L3MBTL4: variants seen among roughly 807,000 people sequenced by gnomAD.
L3MBTL4 encodes lethal(3)malignant brain tumor-like protein 4.
Under a neutral mutation model 84.5 loss-of-function variants are expected in L3MBTL4, and 70 were observed. The observed-to-expected ratio is 0.83, with a 90% CI of 0.68 to 1.01. The LOEUF is 1.01. L3MBTL4 is among the 50% of genes least tolerant of loss of function. L3MBTL4 has a pLI of 0.00. For missense variants in L3MBTL4, 715 were observed against 754.8 expected, an observed-to-expected ratio of 0.95 and a Z score of 0.62; for synonymous variants, 274 against 259.8, an observed-to-expected ratio of 1.05 and a Z score of -0.52.
intron 14 of L3MBTL4, among the ~76,000 whole-genome samples, chr18:6,113,910 G>A (rs2059275299): frequency 6.6e-6 from 1 of 152,176 alleles, no homozygotes; most frequent in Admixed American, 6.5e-5. Flanking sequence ...TGTCATCACT[G>A]ATGTTTGTCC....
chr18:6,138,550 A>C (rs2060101753), intron 13 of L3MBTL4, among the ~76,000 whole-genome samples: 1 of 152,112 alleles, frequency 6.6e-6, no homozygotes, highest in South Asian at 2.1e-4. Flanking sequence ...TAGGCATTGA[A>C]GAATTTCTTT....
intron 16 of L3MBTL4, among the ~76,000 whole-genome samples, chr18:6,042,088 C>T (rs892577563): frequency 2.0e-5 from 3 of 152,154 alleles, no homozygotes; most frequent in Non-Finnish European, 2.9e-5. Context: ...ACTGCCATAC[C>T]TCCCCAAGCC....
chr18:6,031,919 G>T, intron 16 of L3MBTL4: 2 of 783,714 alleles, frequency 2.6e-6, no homozygotes, highest in Non-Finnish European at 3.1e-6. Flanking sequence ...ATGGTCACCT[G>T]CATTGTGTGG....
chr18:6,329,131 TTTGTTTC>T (rs2143049513), intron 1 of L3MBTL4, among the ~76,000 whole-genome samples: 1 of 83,618 alleles, frequency 1.2e-5, no homozygotes, highest in African/African-American at 1.0e-4. Flanking sequence ...TTCTGTTTCT[TTTGTTTC>T]TTTTTTTCTT....
At chr18:6,142,488 A>G (rs1427925906) in intron 13 of L3MBTL4, among the ~76,000 whole-genome samples, 1 of 152,270 alleles carries the variant, frequency 6.6e-6, no homozygotes, top group African/African-American at 2.4e-5. Flanking sequence ...TCTTAAGCAC[A>G]TCTTATGTTC....
At chr18:6,147,892 A>C (rs770121501) in intron 13 of L3MBTL4, among the ~76,000 whole-genome samples, 1 of 152,210 alleles carries the variant, frequency 6.6e-6, no homozygotes, top group African/African-American at 2.4e-5. Flanking sequence ...TGCATTTATC[A>C]TATGTTCAGC....
At chr18:6,151,274 C>T (rs2042882295) in intron 13 of L3MBTL4, among the ~76,000 whole-genome samples, 1 of 152,166 alleles carries the variant, frequency 6.6e-6, no homozygotes, top group African/African-American at 2.4e-5. Flanking sequence ...TGTGCCAACT[C>T]ATAAGTCATA....
chr18:6,185,960 C>CTA (rs976327212), intron 12 of L3MBTL4, among the ~76,000 whole-genome samples: 64 of 145,840 alleles, frequency 4.4e-4, no homozygotes, highest in African/African-American at 1.7e-3. Flanking sequence ...AGGGCACTTT[C>CTA]TTTATTTTAT....
At chr18:6,236,488 C>G (rs768689870) in intron 10 of L3MBTL4, among the ~76,000 whole-genome samples, 4 of 152,130 alleles carry the variant, frequency 2.6e-5, no homozygotes, top group Admixed American at 1.3e-4. Context: ...ACACACTGAG[C>G]CTATTCATGA....
chr18:6,137,734 A>C lies in L3MBTL4; in HGVS notation c.1199+460T>G, dbSNP rs184965911. 1.1e-3 allele frequency among the ~76,000 whole-genome samples: 172 copies of C among 152,350 alleles called. 2 individuals carry two copies. The South Asian group carries it at 0.015, about 13-fold the overall frequency. ...TCATATGGATATTGTCAAATAATTA[A>C]AACATGGGCATATTCTGCAACATAA... On this transcript the variant is annotated intron_variant, in intron 14 of 18. Coordinates refer to ENST00000317931, the MANE Select transcript of L3MBTL4 (RefSeq NM_001330559.2).
intron 1 of L3MBTL4, among the ~76,000 whole-genome samples, chr18:6,408,774 C>T (rs553484974): frequency 1.8e-4 from 28 of 151,994 alleles, no homozygotes; most frequent in South Asian, 1.7e-3. Flanking sequence ...CCCCACCTCC[C>T]GGGTTGAAGC....
At chr18:6,263,508 A>G (rs1316416273) in intron 5 of L3MBTL4, among the ~76,000 whole-genome samples, 3 of 152,170 alleles carry the variant, frequency 2.0e-5, no homozygotes, top group African/African-American at 7.2e-5. Flanking sequence ...GTCTTCTCTA[A>G]CATCTTGCTT....
chr18:6,287,992 G>A (rs948639647), intron 4 of L3MBTL4, among the ~76,000 whole-genome samples: 2 of 152,162 alleles, frequency 1.3e-5, no homozygotes, highest in African/African-American at 2.4e-5. Context: ...ACAGTGAGCT[G>A]TAGTCACATC....
At chr18:6,384,213 A>G (rs2054718876) in intron 1 of L3MBTL4, among the ~76,000 whole-genome samples, 1 of 152,166 alleles carries the variant, frequency 6.6e-6, no homozygotes, top group South Asian at 2.1e-4. Flanking sequence ...CCACGACCTC[A>G]TCAAAATTCT....
intron 12 of L3MBTL4, among the ~76,000 whole-genome samples, chr18:6,201,895 G>A (rs372581576): frequency 6.6e-6 from 1 of 152,158 alleles, no homozygotes; most frequent in East Asian, 1.9e-4. Flanking sequence ...CCAAAAAAGT[G>A]TGGAATAAGA....
At chr18:6,120,976 T>A (rs1397082324) in intron 14 of L3MBTL4, among the ~76,000 whole-genome samples, 1 of 152,184 alleles carries the variant, frequency 6.6e-6, no homozygotes, top group Non-Finnish European at 1.5e-5. Flanking sequence ...CTTGGACATA[T>A]GACTAGGAAT....
chr18:6,360,001 T>C (rs1249228035), intron 1 of L3MBTL4, among the ~76,000 whole-genome samples: 1 of 152,192 alleles, frequency 6.6e-6, no homozygotes, highest in African/African-American at 2.4e-5. Context: ...AACAACAAGC[T>C]GGCAAGTAAA....
intron 10 of L3MBTL4, among the ~76,000 whole-genome samples, chr18:6,236,828 T>G (rs1344512528): frequency 1.3e-5 from 2 of 152,228 alleles, no homozygotes; most frequent in African/African-American, 2.4e-5. Context: ...TGAAATTATC[T>G]TCACTAAATT....
chr18:6,321,757 T>C (rs1192082643), intron 1 of L3MBTL4, among the ~76,000 whole-genome samples: 1 of 152,096 alleles, frequency 6.6e-6, no homozygotes, highest in Non-Finnish European at 1.5e-5. Flanking sequence ...GCAACTTGGA[T>C]GGAGCTGTAG....
Sources: gnomAD v4.1 joint callset for allele counts (sites outside exome capture counted in the v4.1 genomes callset) on GRCh38, gnomAD v4.1.1 for gene constraint, MANE v1.5 for transcripts, NCBI Gene and HGNC (gene_info 2026-07-23, HGNC 2026-07-21) for gene names.